The following ADAMTS17 variants were observed in gnomAD, a reference collection of about 807,000 sequenced individuals.
ADAMTS17 encodes ADAM metallopeptidase with thrombospondin type 1 motif 17.
ADAMTS17 carries 113 observed loss-of-function variants against 141.5 expected under a neutral mutation model. That is an observed-to-expected ratio of 0.80 (90% confidence interval 0.69 to 0.93). The LOEUF (loss-of-function observed/expected upper bound fraction) is 0.93. Among genes scored for constraint, ADAMTS17 ranks in the 40% least tolerant of loss-of-function variants. The pLI, the probability that ADAMTS17 is intolerant of heterozygous loss-of-function variation, is 0.00. For synonymous variants in ADAMTS17, 768 were observed against 630.6 expected (o/e 1.22, Z -3.27); for missense variants, 1,659 against 1,517.9 (o/e 1.09, Z -1.54).
chr15:100,341,789 G>T, intron 1 of ADAMTS17, 32 bp downstream of exon 1: 1 of 1,544,810 alleles, frequency 6.5e-7, no homozygotes, highest in African/African-American at 1.4e-5. Context: ...CGCAGGACGC[G>T]GGGTGAAGAG....
At chr15:100,124,230 C>T (rs28498570) in intron 12 of ADAMTS17, among the ~76,000 whole-genome samples, 4,610 of 152,192 alleles carry the variant, frequency 0.03, 217 homozygotes, top group African/African-American at 0.1. Context: ...CCTCCCAAAG[C>T]GCTGGGATTA....
chr15:100,302,195 T>C (rs1056170218), intron 3 of ADAMTS17, among the ~76,000 whole-genome samples: 5 of 152,246 alleles, frequency 3.3e-5, no homozygotes, highest in Non-Finnish European at 7.3e-5. Context: ...GTCTGGTTTC[T>C]TTCACTTTCA....
At chr15:100,053,851 T>C in intron 16 of ADAMTS17, 46 bp downstream of exon 16, 1 of 1,614,034 alleles carries the variant, frequency 6.2e-7, no homozygotes, top group Non-Finnish European at 8.5e-7. Flanking sequence ...AGTAGACCTC[T>C]CGGAGCCACA....
intron 8 of ADAMTS17, among the ~76,000 whole-genome samples, chr15:100,170,466 C>T (rs2040118137): frequency 6.6e-6 from 1 of 152,146 alleles, no homozygotes; most frequent in Non-Finnish European, 1.5e-5. Context: ...AGCCTTCTGG[C>T]CTACCTCAAA....
At chr15:100,087,467 A>G (rs534908677) in intron 15 of ADAMTS17, among the ~76,000 whole-genome samples, 12 of 152,152 alleles carry the variant, frequency 7.9e-5, no homozygotes, top group African/African-American at 2.2e-4. Flanking sequence ...AAAAAGAGGG[A>G]ATCCTCCCTA....
chr15:99,986,551 G>T (rs1241905787), intron 20 of ADAMTS17, among the ~76,000 whole-genome samples: 2 of 152,164 alleles, frequency 1.3e-5, no homozygotes, highest in Non-Finnish European at 2.9e-5. Flanking sequence ...AGTCAGATCA[G>T]CCCCTTCCAC....
At chr15:100,182,753 T>G (rs1292200029) in intron 8 of ADAMTS17, among the ~76,000 whole-genome samples, 1 of 152,184 alleles carries the variant, frequency 6.6e-6, no homozygotes, top group Non-Finnish European at 1.5e-5. Context: ...CTGTTTTATT[T>G]GGCCATCTTG....
rs1353227852 is a variant in ADAMTS17, at chr15:99,976,218, G to A, written c.2954C>T (p.Ser985Leu). Residue 985 changes from serine (S) to leucine (L), a missense_variant, in exon 21 of 22, where the codon TCG becomes TTG. Transcript: ENST00000268070. ...CTGCAGGCCCTTCCCGCAGGTCGAC[G>A]AGCACTGCAGAGACAGGACAGCCTG... ...EWKTGDWSTC[S>L]STCGKGLQSR... 24 of 1,544,810 alleles carry A rather than the reference G, an allele frequency of 1.6e-5. No homozygotes were observed. The highest frequency in any genetic ancestry group is 2.0e-5 in the Admixed American group (1 of 50,974).
chr15:100,117,295 C>T (rs957430194), intron 12 of ADAMTS17, among the ~76,000 whole-genome samples: 1 of 152,140 alleles, frequency 6.6e-6, no homozygotes, highest in African/African-American at 2.4e-5. Flanking sequence ...CACATTGCGT[C>T]CTTCATCTGA....
chr15:100,085,158 G>T (rs2140963338), intron 15 of ADAMTS17, among the ~76,000 whole-genome samples: 1 of 152,240 alleles, frequency 6.6e-6, no homozygotes, highest in Non-Finnish European at 1.5e-5. Flanking sequence ...AGGACCTGAG[G>T]GAGCTGAAAG....
chr15:100,121,246 C>T (rs1041196996), intron 12 of ADAMTS17, among the ~76,000 whole-genome samples: 14 of 152,010 alleles, frequency 9.2e-5, no homozygotes, highest in Admixed American at 7.9e-4. Context: ...AGGTACTAAG[C>T]GAGTCTCAGG....
intron 4 of ADAMTS17, among the ~76,000 whole-genome samples, chr15:100,271,587 T>C (rs78867470): frequency 0.68 from 96,841 of 142,652 alleles, 31,410 homozygotes; most frequent in East Asian, 0.86. Flanking sequence ...ATTGAATTGT[T>C]TTTTTTTTTC....
chr15:100,301,972 T>C (rs1009174391), intron 3 of ADAMTS17, among the ~76,000 whole-genome samples: 1 of 152,242 alleles, frequency 6.6e-6, no homozygotes. Context: ...ATACAGTTGT[T>C]TTCAGTGTAT....
chr15:100,024,990 G>A (rs944388972), intron 18 of ADAMTS17, among the ~76,000 whole-genome samples: 1 of 152,166 alleles, frequency 6.6e-6, no homozygotes, highest in Non-Finnish European at 1.5e-5. Context: ...GATAAGCGGG[G>A]AGCTCCTGTG....
chr15:100,174,834 C>T (rs961336694), intron 8 of ADAMTS17, among the ~76,000 whole-genome samples: 18 of 152,282 alleles, frequency 1.2e-4, no homozygotes, highest in African/African-American at 4.1e-4. Flanking sequence ...TTTTTACTAG[C>T]AGCAACTTTG....
At chr15:100,215,585 T>G (rs1348211092) in intron 7 of ADAMTS17, among the ~76,000 whole-genome samples, 2 of 152,110 alleles carry the variant, frequency 1.3e-5, no homozygotes. Context: ...GGGTAACAAG[T>G]TGGCCTTCTG....
At chr15:100,054,804 A>T (rs777306125) in intron 15 of ADAMTS17, among the ~76,000 whole-genome samples, 3 of 152,202 alleles carry the variant, frequency 2.0e-5, no homozygotes, top group Non-Finnish European at 2.9e-5. Context: ...AGCCTGTGCC[A>T]GGAGGGGCTG....
chr15:100,180,228 T>C (rs143106798), intron 8 of ADAMTS17, among the ~76,000 whole-genome samples: 3 of 152,348 alleles, frequency 2.0e-5, no homozygotes, highest in Admixed American at 2.0e-4. Context: ...TTCAGTTTTC[T>C]GCATATGGAT....
chr15:100,341,786 C>G (rs1445302665), intron 1 of ADAMTS17, 35 bp downstream of exon 1: 1 of 1,544,264 alleles, frequency 6.5e-7, no homozygotes, highest in Admixed American at 2.0e-5. Context: ...AGCCGCAGGA[C>G]GCGGGGTGAA....
Sources: gnomAD v4.1 joint callset for allele counts (sites outside exome capture counted in the v4.1 genomes callset) on GRCh38, gnomAD v4.1.1 for gene constraint, MANE v1.5 for transcripts, NCBI Gene and HGNC (gene_info 2026-07-23, HGNC 2026-07-21) for gene names.